The following MSH6 variants were observed in gnomAD, a reference collection of about 807,000 sequenced individuals.
MSH6 encodes DNA mismatch repair protein Msh6.
In MSH6, 85 loss-of-function variants were observed where a neutral mutation model predicts 119.1. The ratio of observed to expected loss-of-function variants is 0.71; its 90% CI spans 0.60 to 0.85. The LOEUF is 0.85. Ranked by LOEUF, MSH6 falls within the 40% of genes least tolerant of loss-of-function variation. The pLI is 0.00. For synonymous variants in MSH6, 830 were observed against 586.9 expected, an observed-to-expected ratio of 1.41 and a Z score of -5.99; for missense variants, 2,163 against 1,655.3, an observed-to-expected ratio of 1.31 and a Z score of -5.32.
intron 1 of MSH6, among the ~76,000 whole-genome samples, chr2:47,786,542 C>T (rs1668362304): frequency 6.6e-6 from 1 of 151,852 alleles, no homozygotes; most frequent in Admixed American, 6.6e-5. Context: ...CCATGTTGGT[C>T]AGGCCAGTCG....
downstream of MSH6, chr2:47,806,988 C>T (rs557887030): frequency 3.9e-5 from 29 of 740,786 alleles, no homozygotes; most frequent in African/African-American, 4.7e-4. Context: ...AAATTAAACC[C>T]TTTTAATTCT....
At chr2:47,784,013 T>G in intron 1 of MSH6, 1 of 1,021,116 alleles carries the variant, frequency 9.8e-7, no homozygotes, top group Non-Finnish European at 1.2e-6. Context: ...GATAGTGAGT[T>G]GGGGCTCCAG....
At chr2:47,809,705 T>C (rs1670475270), downstream of MSH6, 3 of 1,605,690 alleles carry the variant, frequency 1.9e-6, no homozygotes, top group South Asian at 1.1e-5. Context: ...GTAATTTCAA[T>C]ACCTGAAGTA....
chr2:47,799,791 A>T lies in MSH6; in HGVS notation c.1808A>T (p.Lys603Met), dbSNP rs1188095395. 1 of 1,614,110 alleles carries T rather than the reference A, an allele frequency of 6.2e-7. No individual in the cohort carries two copies. The highest frequency in any genetic ancestry group is 2.2e-5 in the East Asian group (1 of 44,898). ...TTATTTGAAAAAGGAAATCTCTCAAAGGAAACTAAAACAATTCTAAAGAGT... is the reference window on the plus strand; with the variant it reads ...TTATTTGAAAAAGGAAATCTCTCAATGGAAACTAAAACAATTCTAAAGAGT... Reference protein sequence around the residue: ...QVLFEKGNLSKETKTILKSSL... With the variant: ...QVLFEKGNLSMETKTILKSSL... The change falls in exon 4 of 10, where the codon AAG (lysine) becomes ATG (methionine). Residue 603 changes from lysine (K) to methionine (M), a missense_variant. Physicochemically the swap from Lys to Met is moderately conservative, Grantham distance 95. Coordinates refer to ENST00000234420, the MANE Select transcript of MSH6 (RefSeq NM_000179.3).
chr2:47,801,361 GTTT>G (rs10666222), intron 4 of MSH6: 110 of 89,966 alleles, frequency 1.2e-3, no homozygotes, highest in South Asian at 2.4e-3. Context: ...CCTTTCTTCA[GTTT>G]TTTTTTTTTT....
At chr2:47,798,404 A>G (rs1669224479) in intron 3 of MSH6, among the ~76,000 whole-genome samples, 1 of 152,218 alleles carries the variant, frequency 6.6e-6, no homozygotes, top group Non-Finnish European at 1.5e-5. Context: ...ATGTTAGCCT[A>G]AAGTTGGGCA....
downstream of MSH6, chr2:47,809,145 A>G (rs928681621): frequency 1.9e-5 from 28 of 1,467,036 alleles, no homozygotes; most frequent in Non-Finnish European, 2.6e-5. Context: ...ACTCAAATAT[A>G]TTTCTAAGTT....
chr2:47,807,610 AAAC>A (rs1312368575), downstream of MSH6: 8 of 220,120 alleles, frequency 3.6e-5, no homozygotes, highest in South Asian at 1.8e-4. Context: ...TTGAAATTAA[AAAC>A]AAACTACATG....
rs766608759 is a variant in MSH6, at chr2:47,796,103, G to C, written c.627+40G>C. 4 of 1,607,372 alleles carry C rather than the reference G, an allele frequency of 2.5e-6. No individual in the cohort carries two copies. The South Asian group carries it at 4.4e-5, about 18-fold the overall frequency. On this transcript the variant is annotated intron_variant, in intron 3 of 9. Transcript: ENST00000234420. ...GCATTCAGTTGTTATTTATGTTAGG[G>C]TGATGGGGGAAGAAAGGGGGAGGGT... is the stretch of plus-strand genomic sequence containing the variant.
chr2:47,803,364 T>C (rs1669724743), intron 4 of MSH6, 56 bp from the exon 5 acceptor site: 1 of 1,611,808 alleles, frequency 6.2e-7, no homozygotes, highest in Non-Finnish European at 8.5e-7. Flanking sequence ...ATAAAACACT[T>C]AGGCTGATAA....
intron 4 of MSH6, among the ~76,000 whole-genome samples, chr2:47,802,531 C>G (rs1055299017): frequency 6.6e-6 from 1 of 151,472 alleles, no homozygotes; most frequent in African/African-American, 2.4e-5. Flanking sequence ...GGGTTTTTCC[C>G]GTGTTGGCCA....
intron 4 of MSH6, among the ~76,000 whole-genome samples, chr2:47,802,336 A>AT (rs1180625534): frequency 2.6e-5 from 4 of 151,640 alleles, no homozygotes; most frequent in African/African-American, 7.3e-5. Context: ...TATGTTGTAT[A>AT]TTTTTTTTAA....
intron 1 of MSH6, among the ~76,000 whole-genome samples, chr2:47,786,471 A>G (rs1668354672): frequency 6.6e-6 from 1 of 151,620 alleles, no homozygotes; most frequent in Admixed American, 6.6e-5. Flanking sequence ...AGTACCTGGT[A>G]TTACAGGTGC....
Position 47,783,247 on chromosome 2 carries a change from G to T in MSH6, c.14G>T (p.Ser5Ile). The T allele has an allele frequency of 6.2e-7, 1 of 1,611,634 alleles. No homozygotes were observed. The highest frequency in any genetic ancestry group is 8.5e-7 in the Non-Finnish European group (1 of 1,179,432). ...CCGGCTGTCGGTATGTCGCGACAGAGCACCCTGTACAGCTTCTTCCCCAAG... is the reference window on the plus strand; with the variant it reads ...CCGGCTGTCGGTATGTCGCGACAGATCACCCTGTACAGCTTCTTCCCCAAG... MSRQ[S>I]TLYSFFPKSP... Residue 5 changes from serine (S) to isoleucine (I), a missense_variant, in exon 1 of 10, where the codon AGC becomes ATC. By Grantham distance (142) the Ser-to-Ile change is moderately radical. Coordinates refer to ENST00000234420, the MANE Select transcript of MSH6 (RefSeq NM_000179.3).
In MSH6 at chr2:47,800,052, A is replaced by C. The variant is rs730881794; in HGVS notation, c.2069A>C (p.Tyr690Ser). The C allele has an allele frequency of 6.2e-7, 1 of 1,614,132 alleles. No individual in the cohort carries two copies. The highest frequency in any genetic ancestry group is 1.7e-5 in the Admixed American group (1 of 60,024). ...ALSALGGCVF[Y>S]LKKCLIDQEL... ...TCTGCTCTAGGTGGTTGTGTCTTCT[A>C]CCTCAAAAAATGCCTTATTGATCAG... The change falls in exon 4 of 10, where the codon TAC becomes TCC. Residue 690 changes from tyrosine to serine, a missense_variant. Transcript: ENST00000234420.
chr2:47,790,854 T>C lies in MSH6; in HGVS notation c.261-73T>C, dbSNP rs916524730. Reference sequence around the variant, plus strand: ...TAATGCCAGAAGACTTGGAATTGTTTATTTGTAGGTAACTGCCTTTAAGGA... The same window carrying C: ...TAATGCCAGAAGACTTGGAATTGTTCATTTGTAGGTAACTGCCTTTAAGGA... On this transcript the variant is annotated intron_variant, in intron 1 of 9. Transcript: ENST00000234420. 110 of 1,341,526 alleles carry C rather than the reference T, an allele frequency of 8.2e-5. 1 individual carries two copies. Among genetic ancestry groups the C allele is most frequent in the Non-Finnish European group, 1.1e-4 (107 of 932,656 alleles). The allele number at this position is 1,341,526 out of a possible 1,614,324, so 83.1% of individuals were successfully genotyped here.
intron 2 of MSH6, among the ~76,000 whole-genome samples, chr2:47,793,134 A>G (rs973851489): frequency 6.6e-6 from 1 of 151,508 alleles, no homozygotes; most frequent in Non-Finnish European, 1.5e-5. Flanking sequence ...TAGCCTGGCA[A>G]ACATGGTGAA....
chr2:47,806,392 T>G (rs2104548434), intron 8 of MSH6, 34 bp downstream of exon 8: 1 of 1,612,334 alleles, frequency 6.2e-7, no homozygotes, highest in Middle Eastern at 1.7e-4. Context: ...ACAAATTCGG[T>G]TTTTTGAGAG....
chr2:47,795,197 C>A (rs1394916976), intron 2 of MSH6, among the ~76,000 whole-genome samples: 2 of 152,174 alleles, frequency 1.3e-5, no homozygotes, highest in African/African-American at 4.8e-5. Flanking sequence ...CATTAGAAGA[C>A]AGACTAAGTA....
Sources: gnomAD v4.1 joint callset for allele counts (sites outside exome capture counted in the v4.1 genomes callset) on GRCh38, gnomAD v4.1.1 for gene constraint, MANE v1.5 for transcripts, NCBI Gene and HGNC (gene_info 2026-07-23, HGNC 2026-07-21) for gene names.